Variants in MEP1B observed in about 807,000 individuals in gnomAD.
MEP1B encodes meprin A subunit beta.
MEP1B carries 80 observed loss-of-function variants against 84.6 expected under a neutral mutation model. That is an observed-to-expected ratio of 0.95 (90% CI 0.79 to 1.14). The LOEUF is 1.14. Among genes scored for constraint, MEP1B ranks in the 50% most tolerant of loss-of-function variants. MEP1B has a pLI of 0.00. For synonymous variants in MEP1B, 273 were observed against 288.1 expected, an observed-to-expected ratio of 0.95 and a Z score of 0.53; for missense variants, 766 against 855.1, an observed-to-expected ratio of 0.90 and a Z score of 1.30.
At position 32,197,653 on chromosome 18, in the gene MEP1B, C is replaced by G. The variant is rs569702900; in HGVS notation, c.250+2168C>G. 2.6e-5 allele frequency among the ~76,000 whole-genome samples: 4 copies of G among 152,290 alleles called. No homozygotes were observed. In the South Asian group the frequency reaches 8.3e-4, roughly 32 times the overall value. On this transcript the variant is annotated intron_variant, in intron 5 of 14. Transcript: ENST00000269202. ...CAGGCTGGTCTCGAATTCCTGGCCT[C>G]AAGTGATCTGCCTGCCTTGGCTTCC...
chr18:32,212,248 C>G (rs1297828181), intron 10 of MEP1B, among the ~76,000 whole-genome samples: 1 of 151,906 alleles, frequency 6.6e-6, no homozygotes, highest in African/African-American at 2.4e-5. Context: ...CACAAAAAGG[C>G]ACTTAAGAAG....
In MEP1B at chr18:32,213,345, T is replaced by C. The variant is rs540092665; in HGVS notation, c.1365T>C (p.Ser455=). 2 of 1,613,872 alleles carry C rather than the reference T, an allele frequency of 1.2e-6. No individual in the cohort carries two copies. Among genetic ancestry groups the C allele is most frequent in the South Asian group, 1.1e-5 (1 of 91,058 alleles). The change falls in exon 11 of 15, where the codon TCT becomes TCC. Residue 455 remains serine, a synonymous_variant. Coordinates refer to ENST00000269202, the MANE Select transcript of MEP1B (RefSeq NM_005925.3). ...CTCTGTATAGCCCTCCATTTTACTC[T>C]TCTAAAGGTTATGCCTTTCAGATTT... The part of the protein sequence containing the change: ...NGTLYSPPFY[S]SKGYAFQIYL...
chr18:32,218,058 C>A, intron 14 of MEP1B, 93 bp downstream of exon 14: 3 of 1,088,858 alleles, frequency 2.8e-6, no homozygotes, highest in Non-Finnish European at 4.1e-6. Context: ...TGGTTCTTGC[C>A]TTCTTCTCTC....
In MEP1B at chr18:32,196,839, A is replaced by G. The variant is rs2040860965; in HGVS notation, c.250+1354A>G. The G allele has an allele frequency of 3.5e-6, 2 of 576,056 alleles. No individual in the cohort carries two copies. Among genetic ancestry groups the G allele is most frequent in the Non-Finnish European group, 6.4e-6 (2 of 313,350 alleles). The allele number at this position is 576,056 out of a possible 1,614,324, so 35.7% of individuals were successfully genotyped here. On this transcript the variant is annotated intron_variant, in intron 5 of 14. Coordinates refer to ENST00000269202, the MANE Select transcript of MEP1B (RefSeq NM_005925.3). The surrounding 1 kb of genome is among the most constrained non-coding windows in gnomAD (Gnocchi z 4.4). The stretch of plus-strand genomic sequence containing the variant: ...CAGCACTGCCTTCTGCTGGCTTCTC[A>G]GGGCCTCTGCGTACTTGCCCATGAT...
chr18:32,191,980 T>C, intron 2 of MEP1B, 140 bp downstream of exon 2: 1 of 586,652 alleles, frequency 1.7e-6, no homozygotes, highest in East Asian at 3.0e-5. Context: ...TTTTGATTTA[T>C]GGAGGGACAT....
chr18:32,215,073 C>T lies in MEP1B; in HGVS notation c.1580-9C>T. The T allele has an allele frequency of 2.5e-6, 4 of 1,582,228 alleles. No individual in the cohort carries two copies. The highest frequency in any genetic ancestry group is 3.4e-6 in the Non-Finnish European group (4 of 1,162,982). ...AAACACACTCCATTAATATAAATTG[C>T]TTTTTCAGATAATGGAAACTATTTC... On this transcript the variant is annotated splice_polypyrimidine_tract_variant and intron_variant, in intron 11 of 14. Coordinates refer to ENST00000269202, the MANE Select transcript of MEP1B (RefSeq NM_005925.3).
intron 8 of MEP1B, 60 bp downstream of exon 8, chr18:32,207,530 T>C: frequency 5.1e-6 from 6 of 1,179,168 alleles, no homozygotes; most frequent in Non-Finnish European, 7.4e-6. Context: ...GAAAAAATGA[T>C]GGTCTGTGCC....
Position 32,196,745 on chromosome 18 carries a change from G to A in MEP1B, c.250+1260G>A. The A allele has an allele frequency of 1.5e-6, 1 of 647,512 alleles. No individual in the cohort carries two copies. Among genetic ancestry groups the A allele is most frequent in the East Asian group, 2.6e-5 (1 of 38,200 alleles). The allele number at this position is 647,512 out of a possible 1,614,324, so 40.1% of individuals were successfully genotyped here. Reference sequence around the variant, plus strand: ...GGGACAGCTGCCTGCTGGTGAAGCAGTGCAGGGCCAGGTGCATGTTTTCCT... The same window carrying A: ...GGGACAGCTGCCTGCTGGTGAAGCAATGCAGGGCCAGGTGCATGTTTTCCT... On this transcript the variant is annotated intron_variant, in intron 5 of 14. Transcript: ENST00000269202. The surrounding 1 kb of genome is among the most constrained non-coding windows in gnomAD (Gnocchi z 4.4).
intron 5 of MEP1B, among the ~76,000 whole-genome samples, chr18:32,197,969 T>C (rs547409309): frequency 1.3e-5 from 2 of 152,326 alleles, no homozygotes; most frequent in African/African-American, 4.8e-5. Context: ...CTCCCACTTA[T>C]GGGAAAACAT....
At chr18:32,194,166 G>A (rs2040829686) in intron 4 of MEP1B, among the ~76,000 whole-genome samples, 1 of 151,350 alleles carries the variant, frequency 6.6e-6, no homozygotes, top group African/African-American at 2.4e-5. Context: ...CCGTCAGCAA[G>A]TTCTATCATT....
intron 5 of MEP1B, among the ~76,000 whole-genome samples, chr18:32,197,656 G>A (rs1014830727): frequency 6.6e-6 from 1 of 152,196 alleles, no homozygotes; most frequent in African/African-American, 2.4e-5. Context: ...CTGGCCTCAA[G>A]TGATCTGCCT....
chr18:32,209,554 T>C (rs555859795), intron 9 of MEP1B, among the ~76,000 whole-genome samples: 1 of 152,188 alleles, frequency 6.6e-6, no homozygotes, highest in East Asian at 1.9e-4. Context: ...GTGCCTTCTT[T>C]AGAGATGGCT....
chr18:32,217,230 C>T (rs1008749558), intron 13 of MEP1B, 113 bp downstream of exon 13: 1 of 1,219,584 alleles, frequency 8.2e-7, no homozygotes, highest in Non-Finnish European at 1.1e-6. Flanking sequence ...ATTCTCATCT[C>T]ACAGCCATTC....
chr18:32,217,725 C>T, intron 13 of MEP1B, 36 bp from the exon 14 acceptor site: 1 of 1,535,870 alleles, frequency 6.5e-7, no homozygotes, highest in South Asian at 1.1e-5. Flanking sequence ...AGTTAGATAT[C>T]AACTAATAAC....
chr18:32,210,049 G>A (rs2041008702), intron 9 of MEP1B, among the ~76,000 whole-genome samples: 1 of 152,092 alleles, frequency 6.6e-6, no homozygotes, highest in South Asian at 2.1e-4. Flanking sequence ...TAGCATCTTT[G>A]TCCAATGGTA....
At chr18:32,218,112 C>A in intron 14 of MEP1B, 147 bp downstream of exon 14, 1 of 705,414 alleles carries the variant, frequency 1.4e-6, no homozygotes, top group Non-Finnish European at 2.4e-6. Context: ...ATAAAAGTTC[C>A]TATTACTTTC....
In MEP1B at chr18:32,208,214, G is replaced by C. The variant is rs1415579308; in HGVS notation, c.862G>C (p.Val288Leu). The change falls in exon 9 of 15, where the codon GTT becomes CTT. Residue 288 changes from valine (V) to leucine (L), a missense_variant. By Grantham distance (32) the Val-to-Leu change is conservative. Coordinates refer to ENST00000269202, the MANE Select transcript of MEP1B (RefSeq NM_005925.3). ...AGGAGATAATGCTGACTGGCAACGGGTTTCACAGGTTCCCAGGGGGCCAGA... is the reference window on the plus strand; with the variant it reads ...AGGAGATAATGCTGACTGGCAACGGCTTTCACAGGTTCCCAGGGGGCCAGA... ...SSGDNADWQR[V>L]SQVPRGPESD... 1.2e-6 allele frequency: 2 copies of C among 1,613,974 alleles called. No homozygotes were observed.
At chr18:32,201,299 TACACACACACAC>T (rs58057830) in intron 5 of MEP1B, among the ~76,000 whole-genome samples, 3 of 144,230 alleles carry the variant, frequency 2.1e-5, no homozygotes, top group African/African-American at 7.7e-5. Context: ...CATATGTAGA[TACACACACACAC>T]ACACACACAC....
chr18:32,214,594 T>C (rs887358258), intron 11 of MEP1B, among the ~76,000 whole-genome samples: 1 of 152,208 alleles, frequency 6.6e-6, no homozygotes, highest in Non-Finnish European at 1.5e-5. Context: ...TCTTGTTGTC[T>C]TCTACTTCTG....
Sources: gnomAD v4.1 joint callset for allele counts (sites outside exome capture counted in the v4.1 genomes callset) on GRCh38, gnomAD v4.1.1 for gene constraint, Gnocchi (gnomAD v3.1) non-coding constraint, MANE v1.5 for transcripts, NCBI Gene and HGNC (gene_info 2026-07-23, HGNC 2026-07-21) for gene names.